NAALADL2: variants seen among roughly 807,000 people sequenced by gnomAD.
NAALADL2 encodes the protein inactive N-acetylated-alpha-linked acidic dipeptidase-like protein 2.
NAALADL2 carries 76 observed loss-of-function variants against 87.2 expected under a neutral mutation model. That is an observed-to-expected ratio of 0.87 (90% CI 0.72 to 1.05). NAALADL2 has a LOEUF of 1.05. Ranked by LOEUF, NAALADL2 falls within the 50% of genes least tolerant of loss-of-function variation. The pLI, the probability that NAALADL2 is intolerant of heterozygous loss-of-function variation, is 0.00. For missense variants in NAALADL2, 1,089 were observed against 945.8 expected, an observed-to-expected ratio of 1.15 and a Z score of -1.99; for synonymous variants, 354 against 331.0, an observed-to-expected ratio of 1.07 and a Z score of -0.75.
chr3:175,220,925 G>A (rs1008818457), intron 2 of NAALADL2, among the ~76,000 whole-genome samples: 1 of 152,108 alleles, frequency 6.6e-6, no homozygotes, highest in African/African-American at 2.4e-5. Flanking sequence ...GCTGGGCGTG[G>A]TGGCTCAAGC....
At chr3:174,983,591 C>T (rs971838360) in intron 1 of NAALADL2, among the ~76,000 whole-genome samples, 1 of 152,034 alleles carries the variant, frequency 6.6e-6, no homozygotes, top group Non-Finnish European at 1.5e-5. Context: ...TAGATGGGGC[C>T]CTCTGGCTGT....
At chr3:174,751,066 A>G (rs1257137026) in intron 3 of NAALADL2, among the ~76,000 whole-genome samples, 2 of 151,888 alleles carry the variant, frequency 1.3e-5, no homozygotes, top group Non-Finnish European at 2.9e-5. Context: ...TTATTTATTT[A>G]TTTTTGGCTG....
intron 11 of NAALADL2, among the ~76,000 whole-genome samples, chr3:175,701,484 G>A (rs753352211): frequency 1.6e-3 from 249 of 152,178 alleles, no homozygotes; most frequent in Admixed American, 3.3e-3. Flanking sequence ...CTATGTGTGC[G>A]TGTATTAATA....
At position 174,575,151 on chromosome 3, in the gene NAALADL2, T is replaced by A. The variant is rs550021565; in HGVS notation, c.-115+24514T>A. 2.0e-5 allele frequency among the ~76,000 whole-genome samples: 3 copies of A among 152,236 alleles called. No individual in the cohort carries two copies. In the East Asian group the frequency reaches 5.8e-4, roughly 29 times the overall value. ...TTTTTTAAAAAAAATTTAAATAATT[T>A]GGTATTAGAAGTACTCATATTTCTC... On this transcript the variant is annotated intron_variant, in intron 2 of 3. Coordinates refer to the NAALADL2 transcript ENST00000434257.
intron 2 of NAALADL2, among the ~76,000 whole-genome samples, chr3:174,566,747 TA>T (rs1468111619): frequency 6.6e-6 from 1 of 151,750 alleles, no homozygotes; most frequent in Non-Finnish European, 1.5e-5. Flanking sequence ...AATCTGTTTT[TA>T]AAAGTTTTCC....
At chr3:175,075,042 C>T (rs1183313325) in intron 1 of NAALADL2, among the ~76,000 whole-genome samples, 6 of 152,062 alleles carry the variant, frequency 3.9e-5, no homozygotes, top group Admixed American at 3.9e-4. Flanking sequence ...GGACAGTTAA[C>T]ATTATTGAAC....
At chr3:175,727,712 T>G (rs910576626) in intron 11 of NAALADL2, among the ~76,000 whole-genome samples, 2 of 152,210 alleles carry the variant, frequency 1.3e-5, no homozygotes, top group African/African-American at 4.8e-5. Context: ...AGAGATTCCA[T>G]GACAATTTTC....
intron 4 of NAALADL2, among the ~76,000 whole-genome samples, chr3:175,294,887 A>T (rs1756123961): frequency 6.6e-6 from 1 of 152,216 alleles, no homozygotes; most frequent in Non-Finnish European, 1.5e-5. Context: ...GAGTCGCTAT[A>T]GTGCAGTCCA....
intron 5 of NAALADL2, among the ~76,000 whole-genome samples, chr3:175,416,811 C>CA (rs776849500): frequency 8.6e-5 from 13 of 150,718 alleles, no homozygotes; most frequent in South Asian, 4.2e-4. Flanking sequence ...GAGATGATTG[C>CA]AAAAAAAAGT....
At chr3:174,531,421 T>C (rs1443342477) in intron 1 of NAALADL2, among the ~76,000 whole-genome samples, 1 of 152,156 alleles carries the variant, frequency 6.6e-6, no homozygotes, top group Non-Finnish European at 1.5e-5. Flanking sequence ...ATCATTATCA[T>C]CAGCAAATAA....
chr3:175,781,687 A>T (rs182900708), intron 13 of NAALADL2, among the ~76,000 whole-genome samples: 24 of 152,120 alleles, frequency 1.6e-4, no homozygotes, highest in African/African-American at 5.3e-4. Context: ...AAGGTAAAAA[A>T]AAATTAACAT....
At chr3:175,667,695 T>A (rs893844666) in intron 11 of NAALADL2, among the ~76,000 whole-genome samples, 1 of 151,846 alleles carries the variant, frequency 6.6e-6, no homozygotes, top group Non-Finnish European at 1.5e-5. Context: ...TGAAATTCTC[T>A]GCTATCCTTA....
chr3:174,733,409 G>A (rs1732893197), intron 2 of NAALADL2, among the ~76,000 whole-genome samples: 1 of 152,198 alleles, frequency 6.6e-6, no homozygotes, highest in African/African-American at 2.4e-5. Flanking sequence ...AAGATGACAT[G>A]ACTTTTCATC....
intron 2 of NAALADL2, among the ~76,000 whole-genome samples, chr3:175,154,627 A>G (rs1732033101): frequency 6.6e-6 from 1 of 151,712 alleles, no homozygotes; most frequent in Non-Finnish European, 1.5e-5. Context: ...ATAATATCAC[A>G]GGTTTTTAAA....
intron 13 of NAALADL2, among the ~76,000 whole-genome samples, chr3:175,755,681 G>T (rs1747177436): frequency 6.6e-6 from 1 of 150,840 alleles, no homozygotes; most frequent in South Asian, 2.1e-4. Flanking sequence ...AATATGATAT[G>T]GCCAATGAAA....
At position 175,108,531 on chromosome 3, in the gene NAALADL2, A is replaced by C. The variant is rs375699104; in HGVS notation, c.545+11240A>C. On this transcript the variant is annotated intron_variant, in intron 2 of 13. Transcript: ENST00000454872. ...AGGTGATTTTACCTTCAAGAAAAAT[A>C]AAACAAGTGTGGGTGTTTTCTCTCT... Among the ~76,000 whole-genome samples, 53 of 152,106 alleles carry C rather than the reference A, an allele frequency of 3.5e-4. No individual in the cohort carries two copies. The East Asian group carries it at 8.9e-3, about 26-fold the overall frequency.
rs147755731 is a variant in NAALADL2 at position 174,644,709 on chromosome 3, T to G, written c.-114-92932T>G. Among the ~76,000 whole-genome samples, 177 of 152,342 alleles carry G rather than the reference T, an allele frequency of 1.2e-3. 1 individual carries two copies. Among genetic ancestry groups the G allele is most frequent in the African/African-American group, 4.1e-3 (170 of 41,584 alleles). ...TCTGTGTAATGATGTTTTTGTCTTA[T>G]GAGTTGCAGATGGGATTTAAAAGAT... is the stretch of plus-strand genomic sequence containing the variant. On this transcript the variant is annotated intron_variant, in intron 2 of 3. Transcript: ENST00000434257.
intron 2 of NAALADL2, among the ~76,000 whole-genome samples, chr3:174,649,837 T>C (rs896960757): frequency 2.6e-5 from 4 of 152,148 alleles, no homozygotes; most frequent in Admixed American, 6.5e-5. Context: ...TCTCTTTTGG[T>C]AATAAATAGT....
chr3:175,675,083 T>C (rs1243887973), intron 11 of NAALADL2: 2 of 152,210 alleles, frequency 1.3e-5, no homozygotes, highest in Non-Finnish European at 2.9e-5. Flanking sequence ...CTAAGGTTTA[T>C]TGAGAATATT....
Sources: gnomAD v4.1 joint callset for allele counts (sites outside exome capture counted in the v4.1 genomes callset) on GRCh38, gnomAD v4.1.1 for gene constraint, MANE v1.5 for transcripts, NCBI Gene and HGNC (gene_info 2026-07-23, HGNC 2026-07-21) for gene names.